The following GTF2IRD1 variants were observed in gnomAD, a reference collection of about 807,000 sequenced individuals.
GTF2IRD1 encodes the protein GTF2I repeat domain containing 1.
Under a neutral mutation model 113.2 loss-of-function variants are expected in GTF2IRD1, and 26 were observed. That is an observed-to-expected ratio of 0.23 (90% CI 0.17 to 0.32). The LOEUF (loss-of-function observed/expected upper bound fraction) is 0.32, where lower values mean the gene tolerates loss of function less well. Among genes scored for constraint, GTF2IRD1 ranks in the 10% least tolerant of loss-of-function variants. The pLI, the probability that GTF2IRD1 is intolerant of heterozygous loss-of-function variation, is 1.00. For synonymous variants in GTF2IRD1, 484 were observed against 529.1 expected (o/e 0.91, Z 1.17); for missense variants, 864 against 1,280.8 (o/e 0.67, Z 4.97).
chr7:74,512,909 A>G lies in GTF2IRD1; in HGVS notation c.203A>G (p.Glu68Gly). 1 of 1,614,130 alleles carries G rather than the reference A, an allele frequency of 6.2e-7. No homozygotes were observed. Among genetic ancestry groups the G allele is most frequent in the African/African-American group, 1.3e-5 (1 of 75,060 alleles). ...HDESAFVVGT[E>G]KGRMFLNARK... Reference sequence around the variant, plus strand: ...GAGAGCGCCTTTGTGGTGGGCACAGAGAAGGGGAGAATGTTCCTGAATGCC... The same window carrying G: ...GAGAGCGCCTTTGTGGTGGGCACAGGGAAGGGGAGAATGTTCCTGAATGCC... The change falls in exon 3 of 27, where the codon GAG (glutamate) becomes GGG (glycine). Residue 68 changes from glutamate to glycine, a missense_variant. By Grantham distance (98) the Glu-to-Gly change is moderately conservative. Coordinates refer to ENST00000424337, the MANE Select transcript of GTF2IRD1 (RefSeq NM_005685.4). This position sits in a 1 kb window ranked among gnomAD's most constrained non-coding sequence, Gnocchi z 4.4.
intron 8 of GTF2IRD1, among the ~76,000 whole-genome samples, chr7:74,528,252 C>T (rs1172022933): frequency 6.6e-6 from 1 of 152,178 alleles, no homozygotes; most frequent in Non-Finnish European, 1.5e-5. Context: ...GCTCTGTCAC[C>T]CAGGCTGGAG....
rs200381677 is a variant in GTF2IRD1, at chr7:74,555,232, C to G, written c.1966+9C>G. On this transcript the variant is annotated intron_variant, in intron 18 of 26. Coordinates refer to ENST00000424337, the MANE Select transcript of GTF2IRD1 (RefSeq NM_005685.4). The surrounding 1 kb of genome is among the most constrained non-coding windows in gnomAD (Gnocchi z 5.3). ...CATCATGGATAGTCAAGGTACCCAGCGCGGGGTCGGGAGCCATGGTGTGGG... is the reference window on the plus strand; with the variant it reads ...CATCATGGATAGTCAAGGTACCCAGGGCGGGGTCGGGAGCCATGGTGTGGG... 1 of 1,612,544 alleles carries G rather than the reference C, an allele frequency of 6.2e-7. No individual in the cohort carries two copies. Among genetic ancestry groups the G allele is most frequent in the Non-Finnish European group, 8.5e-7 (1 of 1,179,248 alleles).
At chr7:74,576,511 A>T (rs1189677325) in intron 22 of GTF2IRD1, among the ~76,000 whole-genome samples, 6 of 139,602 alleles carry the variant, frequency 4.3e-5, no homozygotes, top group African/African-American at 1.6e-4. Context: ...CAGTGAGCTG[A>T]GATCGTGCCA....
intron 22 of GTF2IRD1, among the ~76,000 whole-genome samples, chr7:74,575,438 A>G (rs1421874984): frequency 1.3e-5 from 2 of 152,188 alleles, no homozygotes; most frequent in Non-Finnish European, 2.9e-5. Flanking sequence ...GTGAGCTTAG[A>G]GTCGGTGCAG....
chr7:74,596,592 G>A (rs1454822408), intron 25 of GTF2IRD1, among the ~76,000 whole-genome samples: 12 of 151,514 alleles, frequency 7.9e-5, no homozygotes, highest in African/African-American at 2.2e-4. Flanking sequence ...GCAGTGAGTC[G>A]AGATCACACC....
At chr7:74,513,094 A>C in intron 3 of GTF2IRD1, 123 bp downstream of exon 3, 1 of 894,650 alleles carries the variant, frequency 1.1e-6, no homozygotes, top group Non-Finnish European at 1.7e-6. Context: ...TGAACCTAAC[A>C]AGCTAGGTTG....
chr7:74,480,663 C>T (rs114735166), intron 1 of GTF2IRD1, among the ~76,000 whole-genome samples: 3,797 of 152,306 alleles, frequency 0.025, 168 homozygotes, highest in African/African-American at 0.086. Flanking sequence ...ACCTGAACCG[C>T]GGAGCCGTCT....
intron 14 of GTF2IRD1, among the ~76,000 whole-genome samples, chr7:74,543,913 G>T (rs1389991321): frequency 6.6e-6 from 1 of 151,066 alleles, no homozygotes; most frequent in African/African-American, 2.4e-5. Flanking sequence ...GCTGGATGTG[G>T]TGGTACCTAC....
chr7:74,527,530 T>C (rs377149873), intron 8 of GTF2IRD1, among the ~76,000 whole-genome samples: 1 of 152,032 alleles, frequency 6.6e-6, no homozygotes, highest in East Asian at 1.9e-4. Context: ...ATTAGGAACA[T>C]AGTAGGTGCT....
At chr7:74,545,095 T>C (rs1404348349) in intron 15 of GTF2IRD1, among the ~76,000 whole-genome samples, 1 of 152,204 alleles carries the variant, frequency 6.6e-6, no homozygotes, top group Non-Finnish European at 1.5e-5. Context: ...GCAAAGGTTT[T>C]AAGACTGGGA....
intron 13 of GTF2IRD1, among the ~76,000 whole-genome samples, chr7:74,539,573 AT>A (rs1191544252): frequency 1.3e-5 from 2 of 152,010 alleles, no homozygotes; most frequent in Non-Finnish European, 2.9e-5. Flanking sequence ...GTGAAACCCC[AT>A]CTCTACTAAA....
intron 1 of GTF2IRD1, among the ~76,000 whole-genome samples, chr7:74,462,161 G>A (rs978933887): frequency 6.6e-6 from 1 of 151,554 alleles, no homozygotes; most frequent in African/African-American, 2.4e-5. Context: ...ATCACTTGAG[G>A]CCAAGAATTT....
Position 74,512,243 on chromosome 7 carries a change from T to G in GTF2IRD1, c.124-587T>G, listed in dbSNP as rs1193454186. On this transcript the variant is annotated intron_variant, in intron 2 of 26. Coordinates refer to ENST00000424337, the MANE Select transcript of GTF2IRD1 (RefSeq NM_005685.4). This position sits in a 1 kb window ranked among gnomAD's most constrained non-coding sequence, Gnocchi z 4.4. ...GGCGGGCGCCTGTAGTCCCAGCTAC[T>G]CGGGAGGCTGAGGCAGGAGAATCGC... is the stretch of plus-strand genomic sequence containing the variant. 1.3e-5 allele frequency among the ~76,000 whole-genome samples: 2 copies of G among 152,084 alleles called. No homozygotes were observed. The highest frequency in any genetic ancestry group is 6.5e-5 in the Admixed American group (1 of 15,270).
chr7:74,506,083 G>A (rs781813616), intron 1 of GTF2IRD1: 3 of 152,240 alleles, frequency 2.0e-5, no homozygotes, highest in African/African-American at 7.2e-5. Flanking sequence ...AAAAGCAGAG[G>A]AGAGCCAGAA....
At chr7:74,601,403 A>T (rs1802762634) in intron 26 of GTF2IRD1, 1 of 1,492,530 alleles carries the variant, frequency 6.7e-7, no homozygotes, top group Non-Finnish European at 8.9e-7. Flanking sequence ...GCAGGAATTC[A>T]CATCCTCGCT....
chr7:74,575,227 G>A (rs1800970331), intron 22 of GTF2IRD1, among the ~76,000 whole-genome samples: 1 of 152,176 alleles, frequency 6.6e-6, no homozygotes, highest in South Asian at 2.1e-4. Flanking sequence ...TTATTTAGGT[G>A]ATGACCAGAA....
chr7:74,519,018 A>G (rs1276809021), intron 5 of GTF2IRD1, among the ~76,000 whole-genome samples: 1 of 152,202 alleles, frequency 6.6e-6, no homozygotes, highest in East Asian at 1.9e-4. Flanking sequence ...CTGAGGCAGT[A>G]CCAGTTGTCA....
At chr7:74,583,635 G>T (rs1187896842) in intron 22 of GTF2IRD1, among the ~76,000 whole-genome samples, 2 of 151,924 alleles carry the variant, frequency 1.3e-5, no homozygotes, top group South Asian at 2.1e-4. Flanking sequence ...CACCACTTCT[G>T]GTCCACCGCC....
At chr7:74,467,854 C>T (rs1026405432) in intron 1 of GTF2IRD1, among the ~76,000 whole-genome samples, 13 of 152,008 alleles carry the variant, frequency 8.6e-5, no homozygotes, top group East Asian at 1.9e-4. Context: ...CCACTGCTCC[C>T]GGCTAATTTT....
Sources: gnomAD v4.1 joint callset for allele counts (sites outside exome capture counted in the v4.1 genomes callset) on GRCh38, gnomAD v4.1.1 for gene constraint, Gnocchi (gnomAD v3.1) non-coding constraint, MANE v1.5 for transcripts, NCBI Gene and HGNC (gene_info 2026-07-23, HGNC 2026-07-21) for gene names.